Variants in ROR1 observed in about 807,000 individuals in gnomAD.
ROR1 encodes the protein inactive tyrosine-protein kinase transmembrane receptor ROR1.
Under a neutral mutation model 78.8 loss-of-function variants are expected in ROR1, and 19 were observed. That is an observed-to-expected ratio of 0.24 (90% CI 0.17 to 0.35). The LOEUF (loss-of-function observed/expected upper bound fraction) is 0.35. Among genes scored for constraint, ROR1 ranks in the 10% least tolerant of loss-of-function variants. The probability of loss-of-function intolerance (pLI) is 1.00; values close to 1 mark genes in which losing one functional copy is unlikely to be tolerated. For missense variants in ROR1, 917 were observed against 1,177.8 expected, an observed-to-expected ratio of 0.78 and a Z score of 3.24; for synonymous variants, 386 against 433.6, an observed-to-expected ratio of 0.89 and a Z score of 1.36.
At chr1:63,933,789 C>A (rs1645772758) in intron 1 of ROR1, among the ~76,000 whole-genome samples, 1 of 152,184 alleles carries the variant, frequency 6.6e-6, no homozygotes, top group African/African-American at 2.4e-5. Flanking sequence ...TGTGTTCCCA[C>A]CAGCAAATGT....
At chr1:64,111,038 C>G (rs1347549060) in intron 4 of ROR1, 1 of 151,870 alleles carries the variant, frequency 6.6e-6, no homozygotes, top group Non-Finnish European at 1.5e-5. Flanking sequence ...GAAACTTGGT[C>G]CAAATCCTTG....
intron 4 of ROR1, among the ~76,000 whole-genome samples, chr1:64,121,059 C>CTTTTTTTTTTTTTTTTTTT (rs200292093): frequency 1.2e-5 from 1 of 82,010 alleles, no homozygotes; most frequent in African/African-American, 6.5e-5. Context: ...GGAGATACCC[C>CTTTTTTTTTTTTTTTTTTT]TTTTTTTTTT....
chr1:63,798,594 C>T (rs1301171562), intron 1 of ROR1, among the ~76,000 whole-genome samples: 1 of 152,190 alleles, frequency 6.6e-6, no homozygotes, highest in Non-Finnish European at 1.5e-5. Context: ...ATAGACAAGA[C>T]ACTAACTGCT....
chr1:63,874,094 C>G (rs893041669), intron 1 of ROR1, among the ~76,000 whole-genome samples: 1 of 152,084 alleles, frequency 6.6e-6, no homozygotes, highest in Non-Finnish European at 1.5e-5. Context: ...AAGATACTCT[C>G]TAAGTACAAG....
chr1:63,786,622 GT>G (rs1288375735), intron 1 of ROR1, among the ~76,000 whole-genome samples: 3 of 144,512 alleles, frequency 2.1e-5, no homozygotes, highest in Non-Finnish European at 4.5e-5. Flanking sequence ...TGATGGTTGT[GT>G]TGGGGTTAAA....
chr1:64,157,403 T>C (rs1023513494), intron 7 of ROR1, among the ~76,000 whole-genome samples: 5 of 152,124 alleles, frequency 3.3e-5, no homozygotes, highest in African/African-American at 1.2e-4. Context: ...CCTCCCAAAG[T>C]GCTGGGATTA....
chr1:64,022,529 G>A (rs924468612), intron 2 of ROR1, among the ~76,000 whole-genome samples: 2 of 152,092 alleles, frequency 1.3e-5, no homozygotes, highest in African/African-American at 2.4e-5. Flanking sequence ...ACATTGCAAC[G>A]CTAACTGTTT....
At chr1:63,977,954 C>G (rs571268126) in intron 1 of ROR1, among the ~76,000 whole-genome samples, 1 of 152,196 alleles carries the variant, frequency 6.6e-6, no homozygotes, top group South Asian at 2.1e-4. Flanking sequence ...AAGAAACTGC[C>G]AATTTTGTTG....
chr1:64,101,147 A>C (rs1438207744), intron 4 of ROR1, among the ~76,000 whole-genome samples: 2 of 152,232 alleles, frequency 1.3e-5, no homozygotes, highest in African/African-American at 4.8e-5. Flanking sequence ...GTTCTAAAAA[A>C]GCCGTTGAGC....
chr1:63,788,954 G>A, intron 1 of ROR1: 2 of 705,792 alleles, frequency 2.8e-6, no homozygotes, highest in Non-Finnish European at 5.2e-6. Flanking sequence ...GATACATGAG[G>A]TGATCAATCT....
intron 1 of ROR1, among the ~76,000 whole-genome samples, chr1:63,823,426 C>A (rs1199558140): frequency 6.9e-6 from 1 of 145,424 alleles, no homozygotes; most frequent in Non-Finnish European, 1.5e-5. Flanking sequence ...TTTGATATTG[C>A]TGCTAACTAC....
chr1:63,820,263 C>T (rs1644915828), intron 1 of ROR1, among the ~76,000 whole-genome samples: 3 of 152,254 alleles, frequency 2.0e-5, no homozygotes, highest in African/African-American at 7.2e-5. Context: ...CTCTCCCTGT[C>T]CCCCTGCAAG....
At chr1:64,160,279 A>AT (rs1291100570) in intron 8 of ROR1, among the ~76,000 whole-genome samples, 11 of 149,028 alleles carry the variant, frequency 7.4e-5, no homozygotes, top group East Asian at 4.0e-4. Flanking sequence ...CAGAGCCCTC[A>AT]TTTTTTTTTC....
chr1:64,091,148 T>G (rs573832219), intron 4 of ROR1, among the ~76,000 whole-genome samples: 9 of 152,120 alleles, frequency 5.9e-5, no homozygotes, highest in Non-Finnish European at 1.3e-4. Context: ...CATTCTCACA[T>G]GTGCAAGTGC....
intron 2 of ROR1, among the ~76,000 whole-genome samples, chr1:64,015,446 A>G (rs1646512993): frequency 1.3e-5 from 2 of 152,090 alleles, no homozygotes; most frequent in Non-Finnish European, 2.9e-5. Context: ...TTCACCATCA[A>G]GGCCTATGAC....
chr1:63,777,189 A>T (rs1644622125), intron 1 of ROR1, among the ~76,000 whole-genome samples: 2 of 152,172 alleles, frequency 1.3e-5, no homozygotes, highest in African/African-American at 4.8e-5. Flanking sequence ...TTAGGAACCT[A>T]CCTGGCCTTT....
At chr1:63,980,084 A>G (rs145753271) in intron 1 of ROR1, among the ~76,000 whole-genome samples, 1 of 152,208 alleles carries the variant, frequency 6.6e-6, no homozygotes, top group Non-Finnish European at 1.5e-5. Context: ...GAGAGTGATT[A>G]AGTCAACTCC....
chr1:63,890,947 G>T (rs1217260832), intron 1 of ROR1, among the ~76,000 whole-genome samples: 1 of 152,088 alleles, frequency 6.6e-6, no homozygotes, highest in Non-Finnish European at 1.5e-5. Flanking sequence ...ATGACAAGGA[G>T]CTCAAAACTT....
At chr1:64,114,184 T>A (rs1300707007) in intron 4 of ROR1, among the ~76,000 whole-genome samples, 1 of 152,168 alleles carries the variant, frequency 6.6e-6, no homozygotes, top group Non-Finnish European at 1.5e-5. Context: ...AAGTGTCAGC[T>A]TCTTGCACAA....
Sources: allele counts gnomAD v4.1 joint callset (sites outside exome capture counted in the v4.1 genomes callset), GRCh38; gene constraint gnomAD v4.1.1; transcripts MANE v1.5; gene names NCBI Gene and HGNC (gene_info 2026-07-23, HGNC 2026-07-21).